The following MID1 variants were observed in gnomAD, a reference collection of about 807,000 sequenced individuals.
MID1 encodes E3 ubiquitin-protein ligase Midline-1.
MID1 carries 7 observed loss-of-function variants against 40.4 expected under a neutral mutation model. The observed-to-expected ratio is 0.17, with a 90% confidence interval of 0.10 to 0.33. MID1 has a LOEUF of 0.33. MID1 is among the 10% of genes least tolerant of loss of function. The pLI, the probability that MID1 is intolerant of heterozygous loss-of-function variation, is 1.00. For missense variants in MID1, 367 were observed against 558.5 expected (o/e 0.66, Z 3.46); for synonymous variants, 229 against 221.2 (o/e 1.04, Z -0.31).
At position 10,449,312 on chromosome X, in the gene MID1, A is replaced by G. The variant is rs1023602903; in HGVS notation, c.*56T>C. The G allele has an allele frequency of 1.9e-6, 2 of 1,031,426 alleles. No individual in the cohort carries two copies. Among genetic ancestry groups the G allele is most frequent in the Middle Eastern group, 3.4e-4 (1 of 2,899 alleles). 85.0% of individuals were successfully genotyped at this position (1,031,426 alleles called of 1,213,427 possible). A position where few individuals can be genotyped will look rare whatever the true frequency, so the allele number is the denominator to read the frequency against. On this transcript the variant is annotated 3_prime_UTR_variant, in exon 10 of 10. Coordinates refer to ENST00000317552, the MANE Select transcript of MID1 (RefSeq NM_000381.4). Reference sequence around the variant, plus strand: ...GAAGCCTGTGCTTTCTCAGTCCCCTAAATAGTGGCCTGAACCTTACTGTTC... The same window carrying G: ...GAAGCCTGTGCTTTCTCAGTCCCCTGAATAGTGGCCTGAACCTTACTGTTC...
intron 1 of MID1, among the ~76,000 whole-genome samples, chrX:10,743,065 C>G (rs1487245338): frequency 1.8e-5 from 2 of 112,689 alleles, no homozygotes; most frequent in Non-Finnish European, 1.9e-5. Context: ...GCAAGTCTTC[C>G]CTGCAAACTG....
intron 1 of MID1, among the ~76,000 whole-genome samples, chrX:10,639,901 T>A (rs1223976363): frequency 9.0e-6 from 1 of 111,714 alleles, no homozygotes; most frequent in Non-Finnish European, 1.9e-5. Flanking sequence ...CAGAATTTCA[T>A]ATCCAGCCAA....
chrX:10,781,780 T>C (rs952985909), intron 1 of MID1, among the ~76,000 whole-genome samples: 10 of 112,435 alleles, frequency 8.9e-5, no homozygotes, highest in South Asian at 3.7e-4. Flanking sequence ...TGTAAAGCAA[T>C]AGTACATTTT....
At chrX:10,792,064 G>T (rs2043935617) in intron 1 of MID1, among the ~76,000 whole-genome samples, 1 of 111,535 alleles carries the variant, frequency 9.0e-6, no homozygotes, top group East Asian at 2.8e-4. Flanking sequence ...TCCTCAGTCA[G>T]ACATTAGACC....
chrX:10,504,935 T>C (rs1931753767), intron 3 of MID1, among the ~76,000 whole-genome samples: 1 of 111,692 alleles, frequency 9.0e-6, no homozygotes, highest in African/African-American at 3.3e-5. Flanking sequence ...AACAGTCAGA[T>C]TTAGCATGAG....
At chrX:10,789,590 G>A (rs902387264) in intron 1 of MID1, among the ~76,000 whole-genome samples, 14 of 112,439 alleles carry the variant, frequency 1.2e-4, no homozygotes, top group African/African-American at 4.5e-4. Flanking sequence ...CTACCATACA[G>A]CCTAGGTGTG....
At position 10,447,716 on chromosome X, in the gene MID1, G is replaced by GA. The variant is rs1928100042; in HGVS notation, c.*1651dup. 1 of 111,587 alleles carries GA rather than the reference G, an allele frequency of 9.0e-6. No homozygotes were observed. Among genetic ancestry groups the GA allele is most frequent in the Non-Finnish European group, 1.9e-5 (1 of 53,164 alleles). The allele number at this position is 111,587 out of a possible 1,213,427, so 9.2% of individuals were successfully genotyped here. A position where few individuals can be genotyped will look rare whatever the true frequency, so the allele number is the denominator to read the frequency against. On this transcript the variant is annotated 3_prime_UTR_variant, in exon 10 of 10. Transcript: ENST00000317552. Reference sequence around the variant, plus strand: ...AGAGTGTCTGCTAGGGAAGAGGATGGAAGGACCCAGGAAGCTGGCTTGGCC... The same window carrying GA: ...AGAGTGTCTGCTAGGGAAGAGGATGGAAAGGACCCAGGAAGCTGGCTTGGCC...
At chrX:10,459,625 T>TGTTGA in intron 8 of MID1, 21 bp downstream of exon 8, 2 of 1,206,778 alleles carry the variant, frequency 1.7e-6, no homozygotes, top group Admixed American at 4.3e-5. Context: ...ATGACAGCTC[T>TGTTGA]GTTGAGTTCA....
chrX:10,774,064 G>A lies in MID1; in HGVS notation c.-187+59490C>T, dbSNP rs190025483. Among the ~76,000 whole-genome samples, 744 of 111,700 alleles carry A rather than the reference G, an allele frequency of 6.7e-3. 1 individual carries two copies. Among genetic ancestry groups the A allele is most frequent in the Middle Eastern group, 0.014 (3 of 217 alleles). On this transcript the variant is annotated intron_variant, in intron 1 of 10. Coordinates refer to the MID1 transcript ENST00000380785. ...AGTTCCTTCAGAAGGAGGAACAGAA[G>A]TAACAAGAAAGAAGAGGTCTTAGAG...
chrX:10,753,763 A>C (rs781179368), intron 1 of MID1, among the ~76,000 whole-genome samples: 10 of 112,404 alleles, frequency 8.9e-5, no homozygotes, highest in Non-Finnish European at 7.5e-5. Context: ...TCGTGTCCCC[A>C]AAATATCCAC....
At chrX:10,652,902 G>T (rs904171087) in intron 1 of MID1, among the ~76,000 whole-genome samples, 10 of 111,981 alleles carry the variant, frequency 8.9e-5, no homozygotes, top group Non-Finnish European at 3.8e-5. Context: ...TACACGAAAG[G>T]GTAACCTCCT....
chrX:10,726,658 G>A (rs1486971572), intron 1 of MID1, among the ~76,000 whole-genome samples: 1 of 112,585 alleles, frequency 8.9e-6, no homozygotes, highest in East Asian at 2.8e-4. Context: ...ACAGAACCAA[G>A]TCCAAGAACA....
intron 1 of MID1, among the ~76,000 whole-genome samples, chrX:10,829,722 T>C (rs2044240660): frequency 9.0e-6 from 1 of 111,601 alleles, no homozygotes; most frequent in African/African-American, 3.3e-5. Context: ...ATAAATATAT[T>C]TTAAATTGGT....
At chrX:10,642,084 G>A (rs1310868853) in intron 1 of MID1, among the ~76,000 whole-genome samples, 7 of 111,907 alleles carry the variant, frequency 6.3e-5, no homozygotes, top group East Asian at 5.6e-4. Context: ...AAAACTGGAC[G>A]CATTCCCTTT....
In MID1 at chrX:10,631,364, A is replaced by G. The variant is rs1936050697; in HGVS notation, c.-186-10945T>C. 1.8e-5 allele frequency among the ~76,000 whole-genome samples: 2 copies of G among 111,830 alleles called. 1 individual carries two copies. Among genetic ancestry groups the G allele is most frequent in the South Asian group, 7.5e-4 (2 of 2,666 alleles). On this transcript the variant is annotated intron_variant, in intron 1 of 10. Coordinates refer to the MID1 transcript ENST00000380785. ...TTAATCTTCCTTCACCCTATGAGAA[A>G]AGGTACTAATATTATCCCCATTTTC...
intron 1 of MID1, among the ~76,000 whole-genome samples, chrX:10,788,852 C>T (rs1340850507): frequency 2.7e-5 from 3 of 112,208 alleles, no homozygotes; most frequent in Non-Finnish European, 5.6e-5. Flanking sequence ...GAAGTTCAGT[C>T]GGATGTGGCG....
intron 4 of MID1, among the ~76,000 whole-genome samples, chrX:10,489,671 C>T (rs1930820200): frequency 9.2e-6 from 1 of 109,166 alleles, no homozygotes; most frequent in South Asian, 4.0e-4. Context: ...GATGTTAGTT[C>T]TCCAACTTTG....
chrX:10,693,193 CTTTTT>C (rs758493757), intron 1 of MID1, among the ~76,000 whole-genome samples: 1 of 93,342 alleles, frequency 1.1e-5, no homozygotes, highest in Non-Finnish European at 2.1e-5. Flanking sequence ...GGTGTTTTAA[CTTTTT>C]TTTTTTTTTT....
intron 2 of MID1, among the ~76,000 whole-genome samples, chrX:10,554,705 T>A (rs904609473): frequency 9.0e-6 from 1 of 110,694 alleles, no homozygotes; most frequent in Non-Finnish European, 1.9e-5. Context: ...AAAAATAGCA[T>A]CTCCCTCCAA....
Sources: gnomAD v4.1 joint callset for allele counts (sites outside exome capture counted in the v4.1 genomes callset) on GRCh38, gnomAD v4.1.1 for gene constraint, MANE v1.5 for transcripts, NCBI Gene and HGNC (gene_info 2026-07-23, HGNC 2026-07-21) for gene names.